The following ZFYVE21 variants were observed in gnomAD, a reference collection of about 807,000 sequenced individuals.
The protein encoded by ZFYVE21 is zinc finger FYVE-type containing 21.
ZFYVE21 carries 21 observed loss-of-function variants against 29.5 expected under a neutral mutation model. That is an observed-to-expected ratio of 0.71 (90% CI 0.50 to 1.02). ZFYVE21 has a LOEUF of 1.02. Ranked by LOEUF, ZFYVE21 falls within the 50% of genes least tolerant of loss-of-function variation. ZFYVE21 has a pLI of 0.00. For synonymous variants in ZFYVE21, 151 were observed against 133.8 expected (o/e 1.13, Z -0.89); for missense variants, 326 against 335.4 (o/e 0.97, Z 0.22).
intron 4 of ZFYVE21, 51 bp from the exon 5 acceptor site, chr14:103,729,040 G>C (rs2083952579): frequency 2.5e-6 from 4 of 1,613,824 alleles, no homozygotes; most frequent in Non-Finnish European, 3.4e-6. Context: ...GGGAGCCTCG[G>C]TGGCACTGAG....
chr14:103,726,437 G>A (rs572030016), intron 1 of ZFYVE21: 54 of 196,590 alleles, frequency 2.7e-4, no homozygotes, highest in Non-Finnish European at 5.5e-4. Context: ...CAGGACCAGG[G>A]CTAAAAAGGC....
At chr14:103,718,868 G>A (rs373911548) in intron 1 of ZFYVE21, among the ~76,000 whole-genome samples, 4 of 152,344 alleles carry the variant, frequency 2.6e-5, no homozygotes, top group South Asian at 2.1e-4. Flanking sequence ...GAGAGAGCAC[G>A]TGCGCGTCTG....
rs146406858 is a variant in ZFYVE21 at position 103,729,368 on chromosome 14, G to T, written c.526+186G>T. On this transcript the variant is annotated intron_variant, in intron 5 of 6. Transcript: ENST00000311141. ...ACTCAGTGGCTTTAGAACTCGCCAG[G>T]TGAGTGGAGACTTAAACTGTAAGAC... The T allele has an allele frequency of 1.4e-3, 863 of 612,162 alleles. 6 individuals carry two copies. The East Asian group carries it at 0.018, about 13-fold the overall frequency. The allele number at this position is 612,162 out of a possible 1,614,324, so 37.9% of individuals were successfully genotyped here. A position where few individuals can be genotyped will look rare whatever the true frequency, so the allele number is the denominator to read the frequency against.
intron 3 of ZFYVE21, 173 bp from the exon 4 acceptor site, chr14:103,728,735 G>C (rs2083950314): frequency 1.6e-6 from 1 of 633,768 alleles, no homozygotes; most frequent in African/African-American, 1.8e-5. Flanking sequence ...TTAAACCCTT[G>C]ATCCATGACT....
At chr14:103,726,948 G>GTTTTTTTTTT (rs572377392) in intron 2 of ZFYVE21, 106 bp downstream of exon 2, 4 of 661,582 alleles carry the variant, frequency 6.0e-6, no homozygotes, top group Non-Finnish European at 6.5e-6. Flanking sequence ...CTTATGGCTC[G>GTTTTTTTTTT]TTTTTTTTTT....
At chr14:103,728,001 G>T in intron 3 of ZFYVE21, 87 bp downstream of exon 3, 1 of 1,401,398 alleles carries the variant, frequency 7.1e-7, no homozygotes, top group Non-Finnish European at 9.6e-7. Flanking sequence ...TGCACGGGGC[G>T]TTCTGCTTCT....
chr14:103,724,627 T>C (rs2083903199), intron 1 of ZFYVE21: 1 of 152,218 alleles, frequency 6.6e-6, no homozygotes, highest in Admixed American at 6.5e-5. Flanking sequence ...TGAGGATTAT[T>C]GTGCTTAGAA....
intron 1 of ZFYVE21, among the ~76,000 whole-genome samples, chr14:103,719,985 G>A (rs946235697): frequency 4.6e-5 from 7 of 152,200 alleles, no homozygotes; most frequent in Admixed American, 1.3e-4. Flanking sequence ...TGTGATCATA[G>A]TGTCTGCACC....
intron 2 of ZFYVE21, chr14:103,727,360 G>GCC (rs561182560): frequency 8.9e-5 from 32 of 358,504 alleles, no homozygotes; most frequent in East Asian, 4.6e-4. Flanking sequence ...GCACCCACCT[G>GCC]CCCCCCGCCC....
At position 103,716,059 on chromosome 14, in the gene ZFYVE21, C is replaced by G; in HGVS notation, c.138+80C>G. On this transcript the variant is annotated intron_variant, in intron 1 of 6. Coordinates refer to ENST00000311141, the MANE Select transcript of ZFYVE21 (RefSeq NM_024071.4). The surrounding 1 kb of genome is among the most constrained non-coding windows in gnomAD (Gnocchi z 4.8). ...GGCCCCGCGGGCTTCCAGGCTCCCG[C>G]GACGACCCCTCCGCCTCCGGGCGGC... 8.7e-7 allele frequency: 1 copy of G among 1,149,384 alleles called. No homozygotes were observed. The highest frequency in any genetic ancestry group is 1.1e-6 in the Non-Finnish European group (1 of 931,906). 71.2% of individuals were successfully genotyped at this position (1,149,384 alleles called of 1,614,324 possible).
intron 1 of ZFYVE21, among the ~76,000 whole-genome samples, chr14:103,719,142 G>A (rs1350314248): frequency 9.9e-5 from 15 of 152,176 alleles, no homozygotes; most frequent in Non-Finnish European, 1.2e-4. Context: ...GCTGGGCGTG[G>A]TGATGAGTGC....
intron 1 of ZFYVE21, among the ~76,000 whole-genome samples, chr14:103,722,939 T>A (rs944078381): frequency 6.6e-6 from 1 of 152,200 alleles, no homozygotes; most frequent in East Asian, 1.9e-4. Context: ...CGTGAGCCAC[T>A]GCTCCAGCAG....
chr14:103,729,806 C>T lies in ZFYVE21; in HGVS notation c.526+624C>T, dbSNP rs1053492068. On this transcript the variant is annotated intron_variant, in intron 5 of 6. Coordinates refer to ENST00000311141, the MANE Select transcript of ZFYVE21 (RefSeq NM_024071.4). ...TTCTTGCCATAGAAAAAGACATTCA[C>T]GCTTACACCAGCCTCCGGGGGAGCC... 4.6e-6 allele frequency: 7 copies of T among 1,536,292 alleles called. No individual in the cohort carries two copies. In the Admixed American group the frequency reaches 7.8e-5, roughly 17 times the overall value.
In ZFYVE21 at chr14:103,716,713, G is replaced by A. The variant is rs1173519889; in HGVS notation, c.138+734G>A. Reference sequence around the variant, plus strand: ...CCAGGCCACTCCTGCAGACATTGGGGCGTGGGCGTGGGGTCCCTGAGCCAG... The same window carrying A: ...CCAGGCCACTCCTGCAGACATTGGGACGTGGGCGTGGGGTCCCTGAGCCAG... On this transcript the variant is annotated intron_variant, in intron 1 of 6. Transcript: ENST00000311141. This position sits in a 1 kb window ranked among gnomAD's most constrained non-coding sequence, Gnocchi z 4.8. Among the ~76,000 whole-genome samples, 1 of 152,202 alleles carries A rather than the reference G, an allele frequency of 6.6e-6. No individual in the cohort carries two copies. Among genetic ancestry groups the A allele is most frequent in the Non-Finnish European group, 1.5e-5 (1 of 68,028 alleles).
Position 103,732,705 on chromosome 14 carries a change from G to A in ZFYVE21, c.612G>A (p.Val204=). ...TGACCCAGCTGAAGCTGACAGTGGT[G>A]GAGGACGTGACTGTGGGCAGGAGGC... The part of the protein sequence containing the change: ...EGVTQLKLTV[V]EDVTVGRRQA... Residue 204 remains valine, a synonymous_variant, in exon 6 of 7, where the codon GTG becomes GTA. Transcript: ENST00000311141. 1 of 1,613,718 alleles carries A rather than the reference G, an allele frequency of 6.2e-7. No individual in the cohort carries two copies. Among genetic ancestry groups the A allele is most frequent in the Non-Finnish European group, 8.5e-7 (1 of 1,179,834 alleles).
chr14:103,730,585 C>T (rs1220734379), intron 5 of ZFYVE21: 1 of 152,642 alleles, frequency 6.6e-6, no homozygotes, highest in African/African-American at 2.4e-5. Flanking sequence ...ACTGTGTCCC[C>T]CTTGTGGTGG....
rs201860433 is a variant in ZFYVE21 at position 103,726,861 on chromosome 14, G to A, written c.189+19G>A. Reference sequence around the variant, plus strand: ...CAGAAAGGTGAGCTGAGGCCGCTGAGTGGGGGTGGTGGGAAGAGGGGAGGG... The same window carrying A: ...CAGAAAGGTGAGCTGAGGCCGCTGAATGGGGGTGGTGGGAAGAGGGGAGGG... On this transcript the variant is annotated intron_variant, in intron 2 of 6. Coordinates refer to ENST00000311141, the MANE Select transcript of ZFYVE21 (RefSeq NM_024071.4). 56 of 1,613,530 alleles carry A rather than the reference G, an allele frequency of 3.5e-5. No homozygotes were observed. The highest frequency in any genetic ancestry group is 3.7e-5 in the Non-Finnish European group (44 of 1,179,988).
chr14:103,725,675 ATG>A (rs1303579820), intron 1 of ZFYVE21: 3 of 152,286 alleles, frequency 2.0e-5, no homozygotes, highest in African/African-American at 7.2e-5. Flanking sequence ...AGACCACCAC[ATG>A]TGTGTCTCTG....
Position 103,728,905 on chromosome 14 carries a change from A to G in ZFYVE21, c.359-3A>G. 6.2e-7 allele frequency: 1 copy of G among 1,614,046 alleles called. No homozygotes were observed. The highest frequency in any genetic ancestry group is 1.1e-5 in the South Asian group (1 of 91,078). On this transcript the variant is annotated splice_polypyrimidine_tract_variant and splice_region_variant and intron_variant, in intron 3 of 6. Coordinates refer to ENST00000311141, the MANE Select transcript of ZFYVE21 (RefSeq NM_024071.4). ...TTCTCACGTTTGCTTTTGTGTTCCC[A>G]AGGAGCCACCTTCCTCGTCACGTTT...
Sources: allele counts gnomAD v4.1 joint callset (sites outside exome capture counted in the v4.1 genomes callset), GRCh38; gene constraint gnomAD v4.1.1; non-coding constraint Gnocchi (gnomAD v3.1); transcripts MANE v1.5; gene names NCBI Gene and HGNC (gene_info 2026-07-23, HGNC 2026-07-21).